Variants in CACNA1C observed in about 807,000 individuals in gnomAD.
CACNA1C encodes the protein voltage-dependent L-type calcium channel subunit alpha-1C.
A neutral mutation model predicts 229.0 loss-of-function variants in CACNA1C; 30 were observed. The ratio of observed to expected loss-of-function variants is 0.13; its 90% CI spans 0.10 to 0.18. The LOEUF (loss-of-function observed/expected upper bound fraction) is 0.18. Ranked by LOEUF, CACNA1C falls within the 10% of genes least tolerant of loss-of-function variation. CACNA1C has a pLI of 1.00. For missense variants in CACNA1C, 1,658 were observed against 2,845.0 expected (o/e 0.58, Z 9.49); for synonymous variants, 1,114 against 1,132.5 (o/e 0.98, Z 0.33).
chr12:2,657,195 T>G (rs2095469487), intron 34 of CACNA1C, among the ~76,000 whole-genome samples: 1 of 152,220 alleles, frequency 6.6e-6, no homozygotes, highest in Non-Finnish European at 1.5e-5. Flanking sequence ...TAATGAAGTT[T>G]ATAGTTATGA....
rs991695806 is a variant in CACNA1C at position 2,677,975 on chromosome 12, GAA to G, written c.5091+110_5091+111del. On this transcript the variant is annotated intron_variant, in intron 41 of 46. Coordinates refer to ENST00000399655, the MANE Select transcript of CACNA1C (RefSeq NM_000719.7). This position sits in a 1 kb window ranked among gnomAD's most constrained non-coding sequence, Gnocchi z 7.4. ...TCCAGGGGAAGGAGCTGCACCAGAG[GAA>G]AGGGCTACTTCCAGGCTCTTCCTGA... 7.7e-7 allele frequency: 1 copy of G among 1,306,008 alleles called. No homozygotes were observed. Among genetic ancestry groups the G allele is most frequent in the Non-Finnish European group, 1.1e-6 (1 of 925,274 alleles). 80.9% of individuals were successfully genotyped at this position (1,306,008 alleles called of 1,614,324 possible).
chr12:2,268,338 A>G (rs2083252440), intron 3 of CACNA1C, among the ~76,000 whole-genome samples: 1 of 152,208 alleles, frequency 6.6e-6, no homozygotes, highest in Non-Finnish European at 1.5e-5. Context: ...GCTGGAACAA[A>G]GAATGTTTTG....
chr12:2,416,533 A>G (rs2098906047), intron 3 of CACNA1C, among the ~76,000 whole-genome samples: 1 of 152,206 alleles, frequency 6.6e-6, no homozygotes, highest in African/African-American at 2.4e-5. Flanking sequence ...ACAGTGCTTA[A>G]GGAATTTGTC....
rs145522591 is a variant in CACNA1C at position 2,338,341 on chromosome 12, G to C, written c.478-110635G>C. ...ATCCCCATGCAGTCCATAGCAAGAA[G>C]AGACCCCAGGGTGGGCGCCTTGTGC... is the stretch of plus-strand genomic sequence containing the variant. On this transcript the variant is annotated intron_variant, in intron 3 of 46. Transcript: ENST00000399655. Among the ~76,000 whole-genome samples the C allele has an allele frequency of 6.4e-3, 976 of 152,330 alleles. 6 individuals are homozygous for C. The highest frequency in any genetic ancestry group is 0.022 in the African/African-American group (927 of 41,574).
At chr12:2,480,908 A>T (rs573683162) in intron 5 of CACNA1C, among the ~76,000 whole-genome samples, 7 of 152,346 alleles carry the variant, frequency 4.6e-5, no homozygotes, top group African/African-American at 1.4e-4. Flanking sequence ...GTTGGCAATG[A>T]TCTCCAATTC....
intron 5 of CACNA1C, among the ~76,000 whole-genome samples, chr12:2,475,264 A>G (rs2099619826): frequency 6.6e-6 from 1 of 151,854 alleles, no homozygotes; most frequent in Non-Finnish European, 1.5e-5. Context: ...ACGCCACTGC[A>G]CTCCAGCCTG....
At chr12:2,361,992 T>C (rs2097569792) in intron 3 of CACNA1C, among the ~76,000 whole-genome samples, 1 of 152,218 alleles carries the variant, frequency 6.6e-6, no homozygotes, top group Non-Finnish European at 1.5e-5. Flanking sequence ...GATTTCCTAA[T>C]TTGTAAATTA....
chr12:2,145,430 C>T lies in CACNA1C; in HGVS notation c.477+25000C>T, dbSNP rs769204190. 1.7e-4 allele frequency among the ~76,000 whole-genome samples: 25 copies of T among 151,074 alleles called. 1 individual carries two copies. Among genetic ancestry groups the T allele is most frequent in the Admixed American group, 3.3e-4 (5 of 15,024 alleles). ...TGTTTTATCTCAAACATTTGTAATT[C>T]TATAAATTGAAATCAGCTTTTCTTA... is the stretch of plus-strand genomic sequence containing the variant. On this transcript the variant is annotated intron_variant, in intron 3 of 46. Transcript: ENST00000399655.
intron 3 of CACNA1C, among the ~76,000 whole-genome samples, chr12:2,394,819 A>G (rs2238084): frequency 0.78 from 118,923 of 152,044 alleles, 46,931 homozygotes; most frequent in Non-Finnish European, 0.84. Context: ...AGTCTCGGGT[A>G]AGAAATTGGA....
At chr12:2,021,332 A>G (rs1288070298) in intron 1 of CACNA1C, among the ~76,000 whole-genome samples, 1 of 152,176 alleles carries the variant, frequency 6.6e-6, no homozygotes, top group Non-Finnish European at 1.5e-5. Flanking sequence ...ATAGAGCACT[A>G]TAGTCAATTT....
rs143761285 is a variant in CACNA1C, at chr12:2,336,266, C to T, written c.478-112710C>T. On this transcript the variant is annotated intron_variant, in intron 3 of 46. Transcript: ENST00000399655. The stretch of plus-strand genomic sequence containing the variant: ...CAACCTATCTTTCTATTGTATTGGT[C>T]CATCTACTTTGCCGATTTCCAAAGG... 1.5e-3 allele frequency among the ~76,000 whole-genome samples: 224 copies of T among 152,336 alleles called. 1 individual carries two copies. The Middle Eastern group carries it at 0.017, about 12-fold the overall frequency.
intron 38 of CACNA1C, 99 bp from the exon 39 acceptor site, chr12:2,674,442 G>A (rs2096705657): frequency 9.5e-6 from 14 of 1,474,730 alleles, no homozygotes; most frequent in East Asian, 2.6e-5. Flanking sequence ...TCAGGGTTGC[G>A]TGGGGCAGAT....
chr12:2,252,231 C>G (rs182275981), intron 3 of CACNA1C, among the ~76,000 whole-genome samples: 1 of 152,154 alleles, frequency 6.6e-6, no homozygotes, highest in African/African-American at 2.4e-5. Flanking sequence ...GAGATGGCTG[C>G]TTGGATGAAT....
At chr12:2,000,627 G>T (rs1288166417) in intron 1 of CACNA1C, among the ~76,000 whole-genome samples, 1 of 152,192 alleles carries the variant, frequency 6.6e-6, no homozygotes, top group Non-Finnish European at 1.5e-5. Flanking sequence ...ATATGAGTTT[G>T]TTCATAGGAA....
chr12:2,230,653 C>T (rs1243392838), intron 3 of CACNA1C, among the ~76,000 whole-genome samples: 22 of 152,194 alleles, frequency 1.4e-4, no homozygotes. Context: ...CCTGGGCCTT[C>T]TGGAGAAAAG....
In CACNA1C at chr12:2,285,394, T is replaced by TA. The variant is rs2092475187; in HGVS notation, c.478-163581dup. Among the ~76,000 whole-genome samples, 1 of 152,176 alleles carries TA rather than the reference T, an allele frequency of 6.6e-6. No individual in the cohort carries two copies. The highest frequency in any genetic ancestry group is 1.5e-5 in the Non-Finnish European group (1 of 68,028). On this transcript the variant is annotated intron_variant, in intron 3 of 46. Coordinates refer to ENST00000399655, the MANE Select transcript of CACNA1C (RefSeq NM_000719.7). The surrounding 1 kb of genome is among the most constrained non-coding windows in gnomAD (Gnocchi z 4.2). ...CCAGTTGCTAAAACATTTAACAACA[T>TA]ACCACTGGCTGGAACCACTTGTGAA...
At position 1,981,781 on chromosome 12, in the gene CACNA1C, C is replaced by T. The variant is rs934565344; in HGVS notation, c.139+10580C>T. 2.0e-5 allele frequency among the ~76,000 whole-genome samples: 3 copies of T among 152,210 alleles called. No individual in the cohort carries two copies. In the East Asian group the frequency reaches 5.8e-4, roughly 29 times the overall value. On this transcript the variant is annotated intron_variant, in intron 1 of 46. Coordinates refer to the CACNA1C transcript ENST00000682462. Reference sequence around the variant, plus strand: ...CTACACAGGGGACTCACAAAAACATCCAGGGAGGTAAAGTTCCAGCTGGGT... The same window carrying T: ...CTACACAGGGGACTCACAAAAACATTCAGGGAGGTAAAGTTCCAGCTGGGT...
intron 3 of CACNA1C, among the ~76,000 whole-genome samples, chr12:2,435,280 C>G (rs2099123535): frequency 6.6e-6 from 1 of 152,242 alleles, no homozygotes; most frequent in Admixed American, 6.5e-5. Flanking sequence ...TTCTCCAAAT[C>G]CTTAAACTGC....
chr12:2,565,389 C>G (rs1172159892), intron 11 of CACNA1C, among the ~76,000 whole-genome samples: 2 of 150,002 alleles, frequency 1.3e-5, no homozygotes, highest in Non-Finnish European at 3.0e-5. Flanking sequence ...ATGGCGTGAA[C>G]CCGGGAAGCG....
Sources: allele counts gnomAD v4.1 joint callset (sites outside exome capture counted in the v4.1 genomes callset), GRCh38; gene constraint gnomAD v4.1.1; non-coding constraint Gnocchi (gnomAD v3.1); transcripts MANE v1.5; gene names NCBI Gene and HGNC (gene_info 2026-07-23, HGNC 2026-07-21).